Variants in COL6A2 observed in about 807,000 individuals in gnomAD.
COL6A2 encodes the protein collagen alpha-2(VI) chain.
A neutral mutation model predicts 124.9 loss-of-function variants in COL6A2; 90 were observed. The ratio of observed to expected loss-of-function variants is 0.72; its 90% CI spans 0.61 to 0.86. The LOEUF is 0.86. Ranked by LOEUF, COL6A2 falls within the 40% of genes least tolerant of loss-of-function variation. COL6A2 has a pLI of 0.00. For missense variants in COL6A2, 1,607 were observed against 1,502.5 expected, an observed-to-expected ratio of 1.07 and a Z score of -1.15; for synonymous variants, 793 against 618.2, an observed-to-expected ratio of 1.28 and a Z score of -4.19.
chr21:46,119,018 C>A lies in COL6A2; in HGVS notation c.1180-12C>A. The stretch of plus-strand genomic sequence containing the variant: ...TGCCTCTGGGTGACTGTGCTGTCCT[C>A]TCCTTCTTCAGGGGTATCAAGGCAA... On this transcript the variant is annotated splice_polypyrimidine_tract_variant and intron_variant, in intron 13 of 27. Transcript: ENST00000300527. The A allele has an allele frequency of 6.3e-7, 1 of 1,598,820 alleles. No homozygotes were observed. Among genetic ancestry groups the A allele is most frequent in the Non-Finnish European group, 8.6e-7 (1 of 1,167,166 alleles).
At chr21:46,099,868 C>T (rs974796103) in intron 1 of COL6A2, among the ~76,000 whole-genome samples, 2 of 144,272 alleles carry the variant, frequency 1.4e-5, no homozygotes, top group African/African-American at 2.5e-5. Flanking sequence ...AACCTGTCTC[C>T]ACAATGGATA....
chr21:46,120,093 G>GC (rs527825998), intron 15 of COL6A2, among the ~76,000 whole-genome samples: 190 of 73,560 alleles, frequency 2.6e-3, no homozygotes, highest in East Asian at 6.5e-3. Flanking sequence ...ATTCACCCCC[G>GC]GCCCACTGAG....
Position 46,121,266 on chromosome 21 carries a change from C to T in COL6A2, c.1458+143C>T, listed in dbSNP as rs192595527. The T allele has an allele frequency of 1.1e-4, 91 of 841,322 alleles. No homozygotes were observed. The Middle Eastern group carries it at 1.6e-3, about 15-fold the overall frequency. The allele number at this position is 841,322 out of a possible 1,614,324, so 52.1% of individuals were successfully genotyped here. A position where few individuals can be genotyped will look rare whatever the true frequency, so the allele number is the denominator to read the frequency against. On this transcript the variant is annotated intron_variant, in intron 17 of 27. Coordinates refer to ENST00000300527, the MANE Select transcript of COL6A2 (RefSeq NM_001849.4). ...TGGCCTCAGAAGCCAGGACCTGCTC[C>T]CCTAGACCCCGAGTACCTCATACCC...
chr21:46,127,611 A>G (rs1323317855), intron 27 of COL6A2, among the ~76,000 whole-genome samples: 1 of 152,150 alleles, frequency 6.6e-6, no homozygotes, highest in Non-Finnish European at 1.5e-5. Flanking sequence ...CCCTGAGGGC[A>G]GGAACCAGAC....
Position 46,124,721 on chromosome 21 carries a change from G to T in COL6A2, c.1734+8G>T. Reference sequence around the variant, plus strand: ...GGAGTCCCAGGACCCGAGGTAGGTTGGTGGCCAGTCCCCATGCCCTCCCCC... The same window carrying T: ...GGAGTCCCAGGACCCGAGGTAGGTTTGTGGCCAGTCCCCATGCCCTCCCCC... On this transcript the variant is annotated splice_region_variant and intron_variant, in intron 22 of 27. Transcript: ENST00000300527. 1 of 1,612,458 alleles carries T rather than the reference G, an allele frequency of 6.2e-7. No individual in the cohort carries two copies. Among genetic ancestry groups the T allele is most frequent in the South Asian group, 1.1e-5 (1 of 91,058 alleles).
intron 19 of COL6A2, 138 bp from the exon 20 acceptor site, chr21:46,122,358 C>G: frequency 7.5e-7 from 1 of 1,327,162 alleles, no homozygotes; most frequent in Non-Finnish European, 1.1e-6. Context: ...AAGAGCACAG[C>G]TCAGAACGCA....
Position 46,132,399 on chromosome 21 carries a change from G to A in COL6A2, c.2907G>A (p.Val969=), listed in dbSNP as rs138004735. Residue 969 remains valine (V), a synonymous_variant, in exon 28 of 28, where the codon GTG becomes GTA. Coordinates refer to ENST00000300527, the MANE Select transcript of COL6A2 (RefSeq NM_001849.4). ...ESAHSMRKQN[V]VPTVLALGSD... The stretch of plus-strand genomic sequence containing the variant: ...CGCACTCCATGCGCAAGCAGAACGT[G>A]GTACCCACCGTGCTGGCCTTGGGCA... 44 of 1,609,064 alleles carry A rather than the reference G, an allele frequency of 2.7e-5. No individual in the cohort carries two copies. In the African/African-American group the frequency reaches 5.6e-4, roughly 21 times the overall value.
intron 1 of COL6A2, among the ~76,000 whole-genome samples, chr21:46,099,702 ACCCAGCCCCG>A (rs1705596173): frequency 6.6e-6 from 1 of 151,968 alleles, no homozygotes; most frequent in African/African-American, 2.4e-5. Context: ...GGATCCAAAC[ACCCAGCCCCG>A]CCCAGCGGCC....
In COL6A2 at chr21:46,121,057, C is replaced by A. The variant is rs780525343; in HGVS notation, c.1396-4C>A. The A allele has an allele frequency of 1.1e-5, 18 of 1,612,628 alleles. No homozygotes were observed. The highest frequency in any genetic ancestry group is 1.5e-5 in the Non-Finnish European group (18 of 1,179,904). ...GAACCCCAAATTCCTCCCCTTTCTTCCAGGGAGACCGAGGCTTGCCTGGAC... is the reference window on the plus strand; with the variant it reads ...GAACCCCAAATTCCTCCCCTTTCTTACAGGGAGACCGAGGCTTGCCTGGAC... On this transcript the variant is annotated splice_region_variant and splice_polypyrimidine_tract_variant and intron_variant, in intron 16 of 27. Transcript: ENST00000300527.
At chr21:46,123,190 CTAGTGACCCCTCCA>C (rs1412934294) in intron 21 of COL6A2, among the ~76,000 whole-genome samples, 1 of 123,036 alleles carries the variant, frequency 8.1e-6, no homozygotes, top group Non-Finnish European at 1.5e-5. Flanking sequence ...GGTCCCCTCC[CTAGTGACCCCTCCA>C]CAACATCCCC....
At chr21:46,130,062 C>G (rs1024320106) in intron 27 of COL6A2, among the ~76,000 whole-genome samples, 1 of 152,190 alleles carries the variant, frequency 6.6e-6, no homozygotes, top group Non-Finnish European at 1.5e-5. Flanking sequence ...CTCGTGGGCG[C>G]TCACGGCCCA....
rs2078406730 is a variant in COL6A2, at chr21:46,112,062, C to T, written c.199C>T (p.Leu67Phe). The change falls in exon 3 of 28, where the codon CTC becomes TTC. Residue 67 changes from leucine to phenylalanine, a missense_variant. Physicochemically the swap from Leu to Phe is conservative, Grantham distance 22. Transcript: ENST00000300527. ...VTMQSPTDILLFHMKQFVPQF... is the reference protein window; with the variant it reads ...VTMQSPTDILFFHMKQFVPQF... ...CATGCAGTCCCCCACGGACATCCTG[C>T]TCTTCCACATGAAGCAGTTCGTGCC... The T allele has an allele frequency of 2.5e-6, 4 of 1,613,172 alleles. No individual in the cohort carries two copies. Among genetic ancestry groups the T allele is most frequent in the Non-Finnish European group, 3.4e-6 (4 of 1,180,018 alleles).
Position 46,112,586 on chromosome 21 carries a change from CG to C in COL6A2, c.714+12del, listed in dbSNP as rs2078419856. 1 of 1,611,264 alleles carries C rather than the reference CG, an allele frequency of 6.2e-7. No homozygotes were observed. The highest frequency in any genetic ancestry group is 1.1e-5 in the South Asian group (1 of 91,060). ...GCATCATCAAGGTCATGGTGAGCCG[CG>C]GGCGGGAGCACCGTCCACGCGCCAG... On this transcript the variant is annotated intron_variant, in intron 3 of 27. Coordinates refer to ENST00000300527, the MANE Select transcript of COL6A2 (RefSeq NM_001849.4).
chr21:46,115,778 TGCTGTGTCACCTCTCAGAGGA>T (rs1006102661), intron 5 of COL6A2, 73 bp from the exon 6 acceptor site: 6 of 1,140,120 alleles, frequency 5.3e-6, no homozygotes, highest in Non-Finnish European at 7.8e-6. Flanking sequence ...CAGTAACCTC[TGCTGTGTCACCTCTCAGAGGA>T]GCTGTGGCAG....
intron 24 of COL6A2, 22 bp from the exon 25 acceptor site, chr21:46,125,443 G>C: frequency 6.2e-7 from 1 of 1,610,220 alleles, no homozygotes; most frequent in Non-Finnish European, 8.5e-7. Context: ...GGTACCCCCC[G>C]ATGACCCTGC....
At chr21:46,103,352 T>C (rs2078306494) in intron 1 of COL6A2, among the ~76,000 whole-genome samples, 1 of 152,176 alleles carries the variant, frequency 6.6e-6, no homozygotes, top group Non-Finnish European at 1.5e-5. Flanking sequence ...GTCAATTCTG[T>C]TATCTTTTCA....
At chr21:46,111,415 TGGG>T in intron 1 of COL6A2, 32 bp from the exon 2 acceptor site, 1 of 1,269,942 alleles carries the variant, frequency 7.9e-7, no homozygotes, top group Non-Finnish European at 1.1e-6. Flanking sequence ...GGAGAGGCAC[TGGG>T]GGTGTCTGAG....
intron 11 of COL6A2, 105 bp downstream of exon 11, chr21:46,117,558 G>A (rs2078491794): frequency 8.9e-7 from 1 of 1,123,046 alleles, no homozygotes; most frequent in South Asian, 1.3e-5. Context: ...GGTTCTCCCG[G>A]CAGCCCAGCA....
At chr21:46,109,262 G>A (rs1018944623) in intron 1 of COL6A2, among the ~76,000 whole-genome samples, 2 of 152,118 alleles carry the variant, frequency 1.3e-5, no homozygotes, top group African/African-American at 4.8e-5. Context: ...GAAGCTCTCA[G>A]CAGAGAGAGC....
Sources: allele counts gnomAD v4.1 joint callset (sites outside exome capture counted in the v4.1 genomes callset), GRCh38; gene constraint gnomAD v4.1.1; transcripts MANE v1.5; gene names NCBI Gene and HGNC (gene_info 2026-07-23, HGNC 2026-07-21).